The following CYP7B1 variants were observed in gnomAD, a reference collection of about 807,000 sequenced individuals.
CYP7B1 encodes cytochrome P450 7B1.
A neutral mutation model predicts 42.7 loss-of-function variants in CYP7B1; 29 were observed. The observed-to-expected ratio is 0.68, with a 90% CI of 0.51 to 0.93. CYP7B1 has a LOEUF of 0.93. CYP7B1 is among the 40% of genes least tolerant of loss of function. CYP7B1 has a pLI of 0.00. For missense variants in CYP7B1, 655 were observed against 600.5 expected, an observed-to-expected ratio of 1.09 and a Z score of -0.95; for synonymous variants, 235 against 218.2, an observed-to-expected ratio of 1.08 and a Z score of -0.68.
intron 1 of CYP7B1, chr8:64,728,144 T>C (rs1264641683): frequency 2.0e-5 from 3 of 152,192 alleles, no homozygotes; most frequent in Admixed American, 6.5e-5. Context: ...GGATACATAA[T>C]TTTTTATAAT....
rs1807747831 is a variant in CYP7B1 at position 64,752,734 on chromosome 8, A to G, written c.122+45732T>C. ...CATGTATGCCTGAAACCTTGATCCTATGTACAAATATAGGGTCAAATTTTA... is the reference window on the plus strand; with the variant it reads ...CATGTATGCCTGAAACCTTGATCCTGTGTACAAATATAGGGTCAAATTTTA... On this transcript the variant is annotated intron_variant, in intron 1 of 5. Transcript: ENST00000310193. Among the ~76,000 whole-genome samples, 2 of 152,158 alleles carry G rather than the reference A, an allele frequency of 1.3e-5. 1 individual carries two copies. Among genetic ancestry groups the G allele is most frequent in the South Asian group, 4.1e-4 (2 of 4,824 alleles).
At position 64,615,735 on chromosome 8, in the gene CYP7B1, T is replaced by C. The variant is rs753799233; in HGVS notation, c.806A>G (p.Asp269Gly). The C allele has an allele frequency of 1.2e-5, 19 of 1,613,738 alleles. No individual in the cohort carries two copies. The East Asian group carries it at 4.0e-4, about 34-fold the overall frequency. Residue 269 changes from aspartate (D) to glycine (G), a missense_variant, in exon 3 of 6, where the codon GAT becomes GGT. Physicochemically the swap from Asp to Gly is moderately conservative, Grantham distance 94 (BLOSUM62 -1). Transcript: ENST00000310193. ...GWSEVFQSRQDVLEKYYVHED... is the reference protein window; with the variant it reads ...GWSEVFQSRQGVLEKYYVHED... Reference sequence around the variant, plus strand: ...GTGCACATAATATTTCTCCAGGACATCTTGCCTGCTTTGAAAAACTTCTGA... The same window carrying C: ...GTGCACATAATATTTCTCCAGGACACCTTGCCTGCTTTGAAAAACTTCTGA...
rs545070871 is a variant in CYP7B1 at position 64,701,369 on chromosome 8, A to G, written c.123-76830T>C. Among the ~76,000 whole-genome samples, 29 of 152,134 alleles carry G rather than the reference A, an allele frequency of 1.9e-4. 1 individual carries two copies. The highest frequency in any genetic ancestry group is 6.5e-4 in the African/African-American group (27 of 41,538). On this transcript the variant is annotated intron_variant, in intron 1 of 5. Transcript: ENST00000310193. ...CCAGGTATAAGACCCACTGGCTGCTATGGAATTAAACTCTTTCTTTATGGG... is the reference window on the plus strand; with the variant it reads ...CCAGGTATAAGACCCACTGGCTGCTGTGGAATTAAACTCTTTCTTTATGGG...
chr8:64,673,245 G>A (rs979463434), intron 1 of CYP7B1, among the ~76,000 whole-genome samples: 2 of 152,096 alleles, frequency 1.3e-5, no homozygotes, highest in Admixed American at 6.6e-5. Flanking sequence ...TGTATACTCC[G>A]TTTTTTTCTA....
At chr8:64,609,697 T>C (rs1411871967) in intron 4 of CYP7B1, among the ~76,000 whole-genome samples, 2 of 152,222 alleles carry the variant, frequency 1.3e-5, no homozygotes, top group African/African-American at 2.4e-5. Flanking sequence ...TACTATTTCC[T>C]GGGAGCAGAT....
Position 64,624,951 on chromosome 8 carries a change from C to CTTTTTTTTTTTTTTTTTT in CYP7B1, c.123-430_123-413dup, listed in dbSNP as rs71260892. Among the ~76,000 whole-genome samples, 10 of 54,060 alleles carry CTTTTTTTTTTTTTTTTTT rather than the reference C, an allele frequency of 1.8e-4. 2 individuals carry two copies. Among genetic ancestry groups the CTTTTTTTTTTTTTTTTTT allele is most frequent in the African/African-American group, 9.3e-4 (9 of 9,660 alleles). 35.5% of individuals were successfully genotyped at this position (54,060 alleles called of 152,430 possible). A position where few individuals can be genotyped will look rare whatever the true frequency, so the allele number is the denominator to read the frequency against. On this transcript the variant is annotated intron_variant, in intron 1 of 5. Coordinates refer to ENST00000310193, the MANE Select transcript of CYP7B1 (RefSeq NM_004820.5). The stretch of plus-strand genomic sequence containing the variant: ...AGTCCCCAAAGTCCATTATATCATT[C>CTTTTTTTTTTTTTTTTTT]TTTTTTTTTTTTTTTTTTTTTTTTT...
At chr8:64,635,411 T>G (rs1014382689) in intron 1 of CYP7B1, among the ~76,000 whole-genome samples, 2 of 152,222 alleles carry the variant, frequency 1.3e-5, no homozygotes, top group Admixed American at 6.5e-5. Flanking sequence ...AAAATGTCAC[T>G]TCCAGGCTAT....
chr8:64,771,047 CTTTTTTTTTTTTTTTTTTTT>C (rs757503820), intron 1 of CYP7B1, among the ~76,000 whole-genome samples: 2 of 42,486 alleles, frequency 4.7e-5, no homozygotes, highest in South Asian at 1.2e-3. Flanking sequence ...ATATCAGCAT[CTTTTTTTTTTTTTTTTTTTT>C]TTTTTTTTTT....
chr8:64,615,004 A>G, intron 4 of CYP7B1, 22 bp downstream of exon 4: 1 of 1,612,422 alleles, frequency 6.2e-7, no homozygotes, highest in Non-Finnish European at 8.5e-7. Context: ...TCTTTTCTTC[A>G]TAACAGATAA....
At chr8:64,775,732 G>A (rs1162241546) in intron 1 of CYP7B1, among the ~76,000 whole-genome samples, 1 of 152,076 alleles carries the variant, frequency 6.6e-6, no homozygotes, top group Non-Finnish European at 1.5e-5. Flanking sequence ...AGAGAGCTGG[G>A]AAAATTCCAC....
chr8:64,616,883 T>C lies in CYP7B1; in HGVS notation c.260-602A>G, dbSNP rs113030863. Among the ~76,000 whole-genome samples the C allele has an allele frequency of 3.3e-3, 510 of 152,332 alleles. 8 individuals are homozygous for C. The highest frequency in any genetic ancestry group is 0.012 in the African/African-American group (497 of 41,588). On this transcript the variant is annotated intron_variant, in intron 2 of 5. Transcript: ENST00000310193. ...TTAATAACATGTTCAAGGTCACATA[T>C]TGACTTGTGACTGACACAGGATTCC... is the stretch of plus-strand genomic sequence containing the variant.
At position 64,624,469 on chromosome 8, in the gene CYP7B1, C is replaced by T. The variant is rs1322182502; in HGVS notation, c.193G>A (p.Asp65Asn). Residue 65 changes from aspartate (D) to asparagine (N), a missense_variant, in exon 2 of 6, where the codon GAC (aspartate) becomes AAC (asparagine). Coordinates refer to ENST00000310193, the MANE Select transcript of CYP7B1 (RefSeq NM_004820.5). ...YLGVVLNLRK[D>N]PLRFMKTLQK... ...AGTGTTTTCATGAACCTTAAGGGGTCTTTTCGTAAGTTCAGGACCACTCCA... is the reference window on the plus strand; with the variant it reads ...AGTGTTTTCATGAACCTTAAGGGGTTTTTTCGTAAGTTCAGGACCACTCCA... 6.2e-6 allele frequency: 10 copies of T among 1,612,920 alleles called. No individual in the cohort carries two copies. The highest frequency in any genetic ancestry group is 7.6e-6 in the Non-Finnish European group (9 of 1,179,848).
chr8:64,679,263 T>C (rs1037524128), intron 1 of CYP7B1, among the ~76,000 whole-genome samples: 1 of 152,286 alleles, frequency 6.6e-6, no homozygotes, highest in East Asian at 1.9e-4. Context: ...GACTTCCCTA[T>C]ATAACTTATT....
chr8:64,717,397 A>G (rs1344563685), intron 1 of CYP7B1, among the ~76,000 whole-genome samples: 1 of 152,224 alleles, frequency 6.6e-6, no homozygotes, highest in Admixed American at 6.5e-5. Flanking sequence ...CTAGCTCTTT[A>G]CCATTCATGA....
chr8:64,691,731 G>C (rs1204400447), intron 1 of CYP7B1, among the ~76,000 whole-genome samples: 1 of 152,164 alleles, frequency 6.6e-6, no homozygotes, highest in African/African-American at 2.4e-5. Context: ...GAGCACTGAG[G>C]CTGGACAGGC....
intron 1 of CYP7B1, among the ~76,000 whole-genome samples, chr8:64,641,796 T>C (rs963498719): frequency 3.9e-5 from 6 of 152,138 alleles, no homozygotes; most frequent in African/African-American, 1.4e-4. Context: ...ACAGAAGCTG[T>C]ATGAGCCATC....
chr8:64,727,851 C>T (rs1049771199), intron 1 of CYP7B1: 10 of 152,216 alleles, frequency 6.6e-5, no homozygotes, highest in Non-Finnish European at 1.5e-4. Flanking sequence ...AAAAAATCTA[C>T]ACTTGGATTC....
chr8:64,647,602 A>C (rs181187432), intron 1 of CYP7B1, among the ~76,000 whole-genome samples: 124 of 152,322 alleles, frequency 8.1e-4, no homozygotes, highest in African/African-American at 2.6e-3. Flanking sequence ...TCTGAGTCCA[A>C]AGGCCTGAGA....
At chr8:64,786,943 C>T (rs1225924026) in intron 1 of CYP7B1, among the ~76,000 whole-genome samples, 1 of 152,266 alleles carries the variant, frequency 6.6e-6, no homozygotes, top group Non-Finnish European at 1.5e-5. Context: ...AAACTTGAGG[C>T]TTGCACCCTC....
Sources: gnomAD v4.1 joint callset for allele counts (sites outside exome capture counted in the v4.1 genomes callset) on GRCh38, gnomAD v4.1.1 for gene constraint, MANE v1.5 for transcripts, NCBI Gene and HGNC (gene_info 2026-07-23, HGNC 2026-07-21) for gene names.